The following NAA50 variants were observed in gnomAD, a reference collection of about 807,000 sequenced individuals.
NAA50 encodes the protein N-alpha-acetyltransferase 50.
Under a neutral mutation model 20.7 loss-of-function variants are expected in NAA50, and 7 were observed. The observed-to-expected ratio is 0.34, with a 90% CI of 0.19 to 0.63. The LOEUF (loss-of-function observed/expected upper bound fraction) is 0.63. NAA50 is among the 30% of genes least tolerant of loss of function. The pLI, the probability that NAA50 is intolerant of heterozygous loss-of-function variation, is 0.75. For synonymous variants in NAA50, 54 were observed against 70.6 expected, an observed-to-expected ratio of 0.77 and a Z score of 1.18; for missense variants, 111 against 199.1, an observed-to-expected ratio of 0.56 and a Z score of 2.66.
chr3:113,722,981 A>G lies in NAA50; in HGVS notation c.266-9T>C. The G allele has an allele frequency of 6.6e-7, 1 of 1,517,850 alleles. No homozygotes were observed. Among genetic ancestry groups the G allele is most frequent in the Non-Finnish European group, 8.9e-7 (1 of 1,123,190 alleles). 94.0% of individuals were successfully genotyped at this position (1,517,850 alleles called of 1,614,324 possible). Reference sequence around the variant, plus strand: ...ATTTAACATTTTAGTTCCTGTTAATAAAATAAATAACAAACACGTGACTTC... The same window carrying G: ...ATTTAACATTTTAGTTCCTGTTAATGAAATAAATAACAAACACGTGACTTC... On this transcript the variant is annotated splice_polypyrimidine_tract_variant and intron_variant, in intron 3 of 4. Coordinates refer to ENST00000240922, the MANE Select transcript of NAA50 (RefSeq NM_025146.4).
In NAA50 at chr3:113,746,056, G is replaced by C. The variant is rs1394406760; in HGVS notation, c.-107C>G. 6.9e-7 allele frequency: 1 copy of C among 1,454,674 alleles called. No individual in the cohort carries two copies. Among genetic ancestry groups the C allele is most frequent in the Non-Finnish European group, 9.3e-7 (1 of 1,073,214 alleles). The allele number at this position is 1,454,674 out of a possible 1,614,324, so 90.1% of individuals were successfully genotyped here. ...TCGGGCCACTCAACCCCGCAAGCCG[G>C]CCTCCTAGCCTGGGCAGGGAGCTGT... On this transcript the variant is annotated 5_prime_UTR_variant, in exon 1 of 5. Coordinates refer to ENST00000240922, the MANE Select transcript of NAA50 (RefSeq NM_025146.4).
intron 4 of NAA50, among the ~76,000 whole-genome samples, chr3:113,722,367 T>G (rs956375284): frequency 6.6e-6 from 1 of 152,164 alleles, no homozygotes; most frequent in Non-Finnish European, 1.5e-5. Flanking sequence ...GCAAGCTTTC[T>G]CAATTACTCC....
intron 1 of NAA50, 72 bp downstream of exon 1, chr3:113,745,870 G>A: frequency 1.3e-6 from 2 of 1,528,046 alleles, no homozygotes; most frequent in East Asian, 2.5e-5. Context: ...CGCCTTTGCG[G>A]CTCTCCCCCT....
intron 1 of NAA50, among the ~76,000 whole-genome samples, chr3:113,737,817 A>G (rs890315993): frequency 4.6e-5 from 7 of 152,206 alleles, no homozygotes; most frequent in Non-Finnish European, 1.0e-4. Context: ...TAGGACAACC[A>G]AAAGTGTCTT....
rs759708685 is a variant in NAA50 at position 113,722,945 on chromosome 3, T to C, written c.293A>G (p.Asn98Ser). 6.5e-7 allele frequency: 1 copy of C among 1,543,114 alleles called. No individual in the cohort carries two copies. The highest frequency in any genetic ancestry group is 1.2e-5 in the South Asian group (1 of 84,974). The change falls in exon 4 of 5, where the codon AAC becomes AGC. Residue 98 changes from asparagine to serine, a missense_variant. Asn to Ser is a conservative substitution (Grantham distance 46). Transcript: ENST00000240922. ...IGTKMLNHVL[N>S]ICEKDGTFDN... Reference sequence around the variant, plus strand: ...AAAAGTACCATCTTTTTCACAGATGTTTAAGACATGATTTAACATTTTAGT... The same window carrying C: ...AAAAGTACCATCTTTTTCACAGATGCTTAAGACATGATTTAACATTTTAGT...
chr3:113,728,404 T>C (rs1235807830), intron 1 of NAA50, among the ~76,000 whole-genome samples: 1 of 152,196 alleles, frequency 6.6e-6, no homozygotes, highest in Non-Finnish European at 1.5e-5. Flanking sequence ...ATATACAATG[T>C]GCTACTAACA....
rs1024113133 is a variant in NAA50, at chr3:113,722,858, T to G, written c.332+48A>C. 2.2e-5 allele frequency: 32 copies of G among 1,472,452 alleles called. No individual in the cohort carries two copies. In the African/African-American group the frequency reaches 4.3e-4, roughly 20 times the overall value. The allele number at this position is 1,472,452 out of a possible 1,614,324, so 91.2% of individuals were successfully genotyped here. ...TAAAGTTTCTAGTAAAGATTTCTCC[T>G]GCCAATTAAACCCCTTTGATAAGAA... On this transcript the variant is annotated intron_variant, in intron 4 of 4. Transcript: ENST00000240922.
In NAA50 at chr3:113,719,592, C is replaced by A. The variant is rs575841973; in HGVS notation, c.*2168G>T. The A allele has an allele frequency of 6.6e-6, 1 of 152,556 alleles. No homozygotes were observed. The highest frequency in any genetic ancestry group is 2.1e-4 in the South Asian group (1 of 4,824). The allele number at this position is 152,556 out of a possible 1,614,324, so 9.5% of individuals were successfully genotyped here. The stretch of plus-strand genomic sequence containing the variant: ...ACTAAGTTTGATGTAGGACAATTAA[C>A]CCTTTACAAACATTTACAATTCAGG... On this transcript the variant is annotated 3_prime_UTR_variant, in exon 5 of 5. Coordinates refer to ENST00000240922, the MANE Select transcript of NAA50 (RefSeq NM_025146.4).
intron 1 of NAA50, among the ~76,000 whole-genome samples, chr3:113,738,625 G>A (rs1336590837): frequency 6.6e-6 from 1 of 152,110 alleles, no homozygotes; most frequent in Non-Finnish European, 1.5e-5. Context: ...AAGGCCCAGA[G>A]GTTGAAACAC....
At chr3:113,721,965 A>G (rs1168675237) in intron 4 of NAA50, 28 bp from the exon 5 acceptor site, 1 of 1,587,496 alleles carries the variant, frequency 6.3e-7, no homozygotes, top group East Asian at 2.2e-5. Context: ...ATCAGAAAAA[A>G]AATTAAAATT....
chr3:113,733,269 T>C (rs562246673), intron 1 of NAA50, among the ~76,000 whole-genome samples: 1 of 152,282 alleles, frequency 6.6e-6, no homozygotes, highest in African/African-American at 2.4e-5. Flanking sequence ...TGTAAGGTGT[T>C]AGTAATATGA....
intron 1 of NAA50, chr3:113,724,548 G>C (rs1183147189): frequency 6.6e-6 from 1 of 152,324 alleles, no homozygotes; most frequent in African/African-American, 2.4e-5. Context: ...CTACATCAGA[G>C]TCACAGAGGT....
Position 113,721,438 on chromosome 3 carries a change from G to T in NAA50, c.*322C>A. The stretch of plus-strand genomic sequence containing the variant: ...TGTTTTGTAGGCTCTGCCCTTCAAT[G>T]TGAAAGCAGGACATTAAATTTGAAA... On this transcript the variant is annotated 3_prime_UTR_variant, in exon 5 of 5. Coordinates refer to ENST00000240922, the MANE Select transcript of NAA50 (RefSeq NM_025146.4). 3.3e-6 allele frequency: 1 copy of T among 302,162 alleles called. No homozygotes were observed. Among genetic ancestry groups the T allele is most frequent in the Non-Finnish European group, 6.2e-6 (1 of 161,538 alleles). 18.7% of individuals were successfully genotyped at this position (302,162 alleles called of 1,614,324 possible).
chr3:113,731,871 G>A (rs1015278170), intron 1 of NAA50, among the ~76,000 whole-genome samples: 19 of 152,276 alleles, frequency 1.2e-4, no homozygotes, highest in African/African-American at 4.3e-4. Flanking sequence ...TTCACCAGCT[G>A]ATGGATATTT....
intron 1 of NAA50, chr3:113,741,086 A>C: frequency 1.9e-6 from 1 of 528,720 alleles, no homozygotes; most frequent in Non-Finnish European, 3.7e-6. Context: ...TACAGCATTA[A>C]TTGTTTTCAG....
At chr3:113,731,612 C>A (rs1708274459) in intron 1 of NAA50, among the ~76,000 whole-genome samples, 1 of 152,134 alleles carries the variant, frequency 6.6e-6, no homozygotes, top group South Asian at 2.1e-4. Flanking sequence ...TCCTTAGGTG[C>A]ATCCGCAATC....
chr3:113,720,208 A>G lies in NAA50; in HGVS notation c.*1552T>C, dbSNP rs1259213211. On this transcript the variant is annotated 3_prime_UTR_variant, in exon 5 of 5. Transcript: ENST00000240922. Reference sequence around the variant, plus strand: ...TTCTCAAATAAAAACTTAAGGTTATAAAGTGTGCATAAACATTTTATAAAA... The same window carrying G: ...TTCTCAAATAAAAACTTAAGGTTATGAAGTGTGCATAAACATTTTATAAAA... 6.5e-6 allele frequency: 1 copy of G among 152,732 alleles called. No individual in the cohort carries two copies. Among genetic ancestry groups the G allele is most frequent in the East Asian group, 1.9e-4 (1 of 5,194 alleles). 9.5% of individuals were successfully genotyped at this position (152,732 alleles called of 1,614,324 possible). A position where few individuals can be genotyped will look rare whatever the true frequency, so the allele number is the denominator to read the frequency against.
intron 1 of NAA50, among the ~76,000 whole-genome samples, chr3:113,737,050 C>T (rs1708353207): frequency 6.6e-6 from 1 of 152,090 alleles, no homozygotes; most frequent in African/African-American, 2.4e-5. Flanking sequence ...TATAGTTATA[C>T]AGACAGTTAT....
chr3:113,737,300 G>C (rs1044452216), intron 1 of NAA50, among the ~76,000 whole-genome samples: 3 of 152,210 alleles, frequency 2.0e-5, no homozygotes, highest in Non-Finnish European at 4.4e-5. Context: ...CAAGGGGTTA[G>C]AAGGGAGGTA....
Sources: allele counts gnomAD v4.1 joint callset (sites outside exome capture counted in the v4.1 genomes callset), GRCh38; gene constraint gnomAD v4.1.1; transcripts MANE v1.5; gene names NCBI Gene and HGNC (gene_info 2026-07-23, HGNC 2026-07-21).